LTBP1: variants seen among roughly 807,000 people sequenced by gnomAD.
LTBP1 encodes the protein latent-transforming growth factor beta-binding protein 1.
LTBP1 carries 129 observed loss-of-function variants against 207.6 expected under a neutral mutation model. That is an observed-to-expected ratio of 0.62 (90% confidence interval 0.54 to 0.72). The LOEUF is 0.72. Ranked by LOEUF, LTBP1 falls within the 30% of genes least tolerant of loss-of-function variation. LTBP1 has a pLI of 0.00. For missense variants in LTBP1, 2,281 were observed against 2,217.2 expected, an observed-to-expected ratio of 1.03 and a Z score of -0.58; for synonymous variants, 963 against 833.7, an observed-to-expected ratio of 1.16 and a Z score of -2.67.
At chr2:33,365,929 C>A (rs750962504) in intron 31 of LTBP1, among the ~76,000 whole-genome samples, 115 of 152,112 alleles carry the variant, frequency 7.6e-4, no homozygotes, top group Non-Finnish European at 1.3e-3. Context: ...ATGTCAATCT[C>A]TGTATGTGGA....
chr2:33,284,997 A>G (rs2093634840), intron 19 of LTBP1, among the ~76,000 whole-genome samples: 2 of 151,778 alleles, frequency 1.3e-5, no homozygotes, highest in South Asian at 2.1e-4. Flanking sequence ...AGATGCAGTA[A>G]TAACTGGTAC....
chr2:33,093,938 A>T (rs2079246157), intron 3 of LTBP1, among the ~76,000 whole-genome samples: 1 of 152,198 alleles, frequency 6.6e-6, no homozygotes. Context: ...ATTTCAACAA[A>T]GTGGGACTTA....
At chr2:33,038,840 T>G (rs2008845) in intron 3 of LTBP1, among the ~76,000 whole-genome samples, 37,061 of 152,004 alleles carry the variant, frequency 0.24, 5,080 homozygotes, top group Middle Eastern at 0.33. Flanking sequence ...AAATGTCTTT[T>G]TTTTTGCCAG....
intron 18 of LTBP1, among the ~76,000 whole-genome samples, chr2:33,278,516 C>T (rs1268899141): frequency 2.0e-5 from 3 of 152,192 alleles, no homozygotes; most frequent in Non-Finnish European, 4.4e-5. Flanking sequence ...TTGTAGTTTA[C>T]AGACATTATC....
At chr2:33,356,840 T>G (rs2094868191) in intron 26 of LTBP1, among the ~76,000 whole-genome samples, 1 of 152,238 alleles carries the variant, frequency 6.6e-6, no homozygotes, top group Non-Finnish European at 1.5e-5. Flanking sequence ...TGGGTAATTC[T>G]GCTGAAAGTA....
intron 26 of LTBP1, among the ~76,000 whole-genome samples, chr2:33,354,803 C>T (rs377417523): frequency 4.6e-5 from 7 of 151,656 alleles, no homozygotes; most frequent in Admixed American, 2.6e-4. Flanking sequence ...GTGTAGTGTA[C>T]GATCATGGTT....
In LTBP1 at chr2:33,032,982, T is replaced by A. The variant is rs140081163; in HGVS notation, c.863+11776T>A. ...ATAAAAAACAAGGATTTGATCAAGC[T>A]CAGCTTTATGTTCAAATAATTTAGG... On this transcript the variant is annotated intron_variant, in intron 3 of 33. Transcript: ENST00000404816. 3.9e-5 allele frequency among the ~76,000 whole-genome samples: 6 copies of A among 152,348 alleles called. No individual in the cohort carries two copies. The East Asian group carries it at 1.2e-3, about 29-fold the overall frequency.
rs950058707 is a variant in LTBP1 at position 33,355,301 on chromosome 2, G to C, written c.4001-5296G>C. ...AGTACAGCTATCCCTTGGTATTTAA[G>C]GGGGCTTAGTTCCAGGGCCCCCACT... On this transcript the variant is annotated intron_variant, in intron 26 of 33. Coordinates refer to ENST00000404816, the MANE Select transcript of LTBP1 (RefSeq NM_206943.4). Among the ~76,000 whole-genome samples the C allele has an allele frequency of 3.3e-5, 5 of 151,868 alleles. No homozygotes were observed. The East Asian group carries it at 9.7e-4, about 29-fold the overall frequency.
At chr2:33,252,110 G>T (rs116106374) in intron 10 of LTBP1, among the ~76,000 whole-genome samples, 2,938 of 152,274 alleles carry the variant, frequency 0.019, 42 homozygotes, top group Middle Eastern at 0.1. Flanking sequence ...TAGAACAGGG[G>T]CCTTGTGTGG....
intron 9 of LTBP1, among the ~76,000 whole-genome samples, chr2:33,236,710 A>C (rs1573353117): frequency 6.6e-6 from 1 of 152,216 alleles, no homozygotes; most frequent in Non-Finnish European, 1.5e-5. Flanking sequence ...TGAGTGATGA[A>C]GAAAGCCCAT....
At chr2:33,360,800 A>G in intron 27 of LTBP1, 21 bp downstream of exon 27, 1 of 1,611,290 alleles carries the variant, frequency 6.2e-7, no homozygotes, top group Non-Finnish European at 8.5e-7. Context: ...GCTTAGTGGT[A>G]GAGTCACACT....
At chr2:33,300,157 G>A (rs759350908) in intron 20 of LTBP1, among the ~76,000 whole-genome samples, 2 of 152,134 alleles carry the variant, frequency 1.3e-5, no homozygotes, top group Non-Finnish European at 1.5e-5. Context: ...TCTGCCTTCT[G>A]TTTGCAGCTC....
intron 31 of LTBP1, among the ~76,000 whole-genome samples, chr2:33,368,103 A>G (rs186650887): frequency 8.7e-4 from 133 of 152,186 alleles, no homozygotes; most frequent in Non-Finnish European, 1.3e-3. Flanking sequence ...GCTACTCAGG[A>G]GGCTGAGGCA....
At chr2:33,251,656 C>A (rs1333315011) in intron 10 of LTBP1, among the ~76,000 whole-genome samples, 3 of 106,004 alleles carry the variant, frequency 2.8e-5, no homozygotes, top group Non-Finnish European at 5.1e-5. Flanking sequence ...CAGAGTGAGA[C>A]TCAGTCTCAA....
chr2:33,028,446 G>C (rs918012613), intron 3 of LTBP1, among the ~76,000 whole-genome samples: 1 of 152,132 alleles, frequency 6.6e-6, no homozygotes, highest in Non-Finnish European at 1.5e-5. Context: ...GAGGTGGGCA[G>C]ATCATGAGGT....
At chr2:33,387,076 C>G (rs980414522) in intron 31 of LTBP1, among the ~76,000 whole-genome samples, 1 of 152,148 alleles carries the variant, frequency 6.6e-6, no homozygotes, top group Non-Finnish European at 1.5e-5. Context: ...GATCCACCCA[C>G]CTTGACCTGC....
At chr2:33,376,193 T>G (rs941464405) in intron 31 of LTBP1, among the ~76,000 whole-genome samples, 12 of 152,328 alleles carry the variant, frequency 7.9e-5, no homozygotes, top group African/African-American at 2.9e-4. Flanking sequence ...ATTTAAATAA[T>G]GTTTACCAAC....
chr2:33,178,572 C>G (rs2086305638), intron 5 of LTBP1, among the ~76,000 whole-genome samples: 1 of 152,140 alleles, frequency 6.6e-6, no homozygotes, highest in South Asian at 2.1e-4. Flanking sequence ...TTGATCTTTT[C>G]TACTTGTTGA....
chr2:33,086,853 TA>T (rs1441084975), intron 3 of LTBP1, among the ~76,000 whole-genome samples: 4 of 152,192 alleles, frequency 2.6e-5, no homozygotes, highest in African/African-American at 9.6e-5. Flanking sequence ...CAAAGGAAAA[TA>T]AACTAACACA....
Sources: allele counts gnomAD v4.1 joint callset (sites outside exome capture counted in the v4.1 genomes callset), GRCh38; gene constraint gnomAD v4.1.1; transcripts MANE v1.5; gene names NCBI Gene and HGNC (gene_info 2026-07-23, HGNC 2026-07-21).